The following PLEKHA5 variants were observed in gnomAD, a reference collection of about 807,000 sequenced individuals.
PLEKHA5 encodes the protein pleckstrin homology domain containing A5.
Under a neutral mutation model 181.9 loss-of-function variants are expected in PLEKHA5, and 55 were observed. The observed-to-expected ratio is 0.30, with a 90% CI of 0.24 to 0.38. The LOEUF is 0.38. PLEKHA5 is among the 10% of genes least tolerant of loss of function. The pLI, the probability that PLEKHA5 is intolerant of heterozygous loss-of-function variation, is 1.00. For missense variants in PLEKHA5, 1,432 were observed against 1,549.5 expected, an observed-to-expected ratio of 0.92 and a Z score of 1.27; for synonymous variants, 535 against 529.4, an observed-to-expected ratio of 1.01 and a Z score of -0.15.
rs994099899 is a variant in PLEKHA5 at position 19,274,356 on chromosome 12, A to C, written c.846-160A>C. ...ATTCTGGTGTTGTGCTTGAATGTTAATATCACAGCATTGGGTATTTGTGTA... is the reference window on the plus strand; with the variant it reads ...ATTCTGGTGTTGTGCTTGAATGTTACTATCACAGCATTGGGTATTTGTGTA... On this transcript the variant is annotated intron_variant, in intron 10 of 31. Transcript: ENST00000429027. The C allele has an allele frequency of 3.3e-5, 20 of 601,770 alleles. 1 individual carries two copies. The highest frequency in any genetic ancestry group is 2.2e-4 in the African/African-American group (12 of 53,836). 37.3% of individuals were successfully genotyped at this position (601,770 alleles called of 1,614,324 possible).
intron 3 of PLEKHA5, among the ~76,000 whole-genome samples, chr12:19,182,096 GGTT>G (rs1436265885): frequency 4.6e-5 from 7 of 152,032 alleles, no homozygotes; most frequent in Admixed American, 2.6e-4. Context: ...TATGTTGTTG[GGTT>G]ATTATTTATT....
chr12:19,337,421 C>T (rs977419385), intron 21 of PLEKHA5, among the ~76,000 whole-genome samples: 4 of 151,120 alleles, frequency 2.6e-5, no homozygotes, highest in African/African-American at 9.7e-5. Context: ...TAGTGGCAGG[C>T]ATCTGTAATC....
chr12:19,306,075 G>C (rs562228888), intron 15 of PLEKHA5, among the ~76,000 whole-genome samples: 1 of 151,198 alleles, frequency 6.6e-6, no homozygotes, highest in African/African-American at 2.4e-5. Context: ...CCGATACTCC[G>C]TCTAAAAAAA....
chr12:19,206,101 G>T (rs576755514), intron 3 of PLEKHA5, among the ~76,000 whole-genome samples: 1 of 152,138 alleles, frequency 6.6e-6, no homozygotes, highest in Non-Finnish European at 1.5e-5. Context: ...CAGAAGAGTT[G>T]CATGATAATA....
At chr12:19,296,713 G>A (rs2079905174) in intron 15 of PLEKHA5, among the ~76,000 whole-genome samples, 1 of 152,084 alleles carries the variant, frequency 6.6e-6, no homozygotes, top group Non-Finnish European at 1.5e-5. Context: ...CCTGGACCAG[G>A]TCTGGTTGGG....
intron 11 of PLEKHA5, among the ~76,000 whole-genome samples, chr12:19,277,343 A>G (rs1008186943): frequency 6.6e-6 from 1 of 152,190 alleles, no homozygotes. Flanking sequence ...GAGTCAACAG[A>G]TATCTGGAAA....
At chr12:19,304,331 G>A (rs747877019) in intron 15 of PLEKHA5, among the ~76,000 whole-genome samples, 6 of 152,204 alleles carry the variant, frequency 3.9e-5, no homozygotes, top group African/African-American at 7.2e-5. Context: ...ATTGAACCAG[G>A]GAGGTGGAGG....
chr12:19,229,704 G>A (rs760835928), intron 3 of PLEKHA5, among the ~76,000 whole-genome samples: 15 of 152,182 alleles, frequency 9.9e-5, no homozygotes, highest in Non-Finnish European at 2.1e-4. Context: ...CAAGCAGGTT[G>A]CCACTGCTGG....
rs757413347 is a variant in PLEKHA5, at chr12:19,275,380, TG to T, written c.1313+398del. 5.9e-5 allele frequency among the ~76,000 whole-genome samples: 9 copies of T among 152,322 alleles called. No individual in the cohort carries two copies. The East Asian group carries it at 1.7e-3, about 29-fold the overall frequency. ...AGGTTGGTACAATGCAAGGATCTCC[TG>T]AGACAAGTAATATGGAGGCAGCAAA... On this transcript the variant is annotated intron_variant, in intron 11 of 31. Coordinates refer to ENST00000429027, the MANE Select transcript of PLEKHA5 (RefSeq NM_001256470.2).
intron 3 of PLEKHA5, among the ~76,000 whole-genome samples, chr12:19,212,382 A>C (rs1234807944): frequency 2.6e-5 from 4 of 152,226 alleles, no homozygotes; most frequent in Admixed American, 2.6e-4. Context: ...AAATGTAAGC[A>C]GGTTTTGAAA....
chr12:19,291,593 A>C, intron 14 of PLEKHA5, 51 bp from the exon 15 acceptor site: 1 of 1,109,146 alleles, frequency 9.0e-7, no homozygotes, highest in Non-Finnish European at 1.3e-6. Context: ...CCTTTTCTTG[A>C]ATTCCACATC....
intron 20 of PLEKHA5, among the ~76,000 whole-genome samples, chr12:19,327,247 G>GTTTT (rs55983306): frequency 1.4e-5 from 2 of 138,544 alleles, no homozygotes; most frequent in Non-Finnish European, 3.1e-5. Flanking sequence ...ATCTGTTTTT[G>GTTTT]TTTTTTTTTT....
intron 5 of PLEKHA5, among the ~76,000 whole-genome samples, chr12:19,256,611 T>C (rs2066944985): frequency 6.6e-6 from 1 of 152,230 alleles, no homozygotes; most frequent in Non-Finnish European, 1.5e-5. Context: ...AAAATTTTGT[T>C]GATATTGGGC....
chr12:19,281,325 C>T (rs117797354), intron 11 of PLEKHA5, among the ~76,000 whole-genome samples: 1,901 of 152,052 alleles, frequency 0.013, 19 homozygotes, highest in Non-Finnish European at 0.02. Context: ...TCCTGTAATC[C>T]TGGCACTTTA....
At chr12:19,162,932 AGAC>A (rs1324336588) in intron 3 of PLEKHA5, among the ~76,000 whole-genome samples, 1 of 152,044 alleles carries the variant, frequency 6.6e-6, no homozygotes, top group Non-Finnish European at 1.5e-5. Context: ...CTAGGACTCT[AGAC>A]TAGTCTAGTG....
intron 15 of PLEKHA5, among the ~76,000 whole-genome samples, chr12:19,300,474 C>T (rs1439227365): frequency 6.6e-6 from 1 of 152,048 alleles, no homozygotes; most frequent in African/African-American, 2.4e-5. Flanking sequence ...CTCATTATAC[C>T]AGGCTTTGCT....
chr12:19,236,025 T>C (rs2152417208), intron 3 of PLEKHA5, among the ~76,000 whole-genome samples: 1 of 152,274 alleles, frequency 6.6e-6, no homozygotes, highest in South Asian at 2.1e-4. Flanking sequence ...AGCACAAAGA[T>C]ATCTGAGCAG....
intron 11 of PLEKHA5, among the ~76,000 whole-genome samples, chr12:19,281,771 G>GTTT (rs2076210696): frequency 8.9e-6 from 1 of 111,810 alleles, no homozygotes; most frequent in South Asian, 3.1e-4. Context: ...AGTGGTTTTT[G>GTTT]TTGTTGTTGT....
At chr12:19,242,136 T>G (rs1218162583) in intron 3 of PLEKHA5, among the ~76,000 whole-genome samples, 1 of 152,224 alleles carries the variant, frequency 6.6e-6, no homozygotes, top group Non-Finnish European at 1.5e-5. Context: ...GATAGGTACA[T>G]TTTAACTAGC....
Sources: allele counts gnomAD v4.1 joint callset (sites outside exome capture counted in the v4.1 genomes callset), GRCh38; gene constraint gnomAD v4.1.1; transcripts MANE v1.5; gene names NCBI Gene and HGNC (gene_info 2026-07-23, HGNC 2026-07-21).